The following GULP1 variants were observed in gnomAD, a reference collection of about 807,000 sequenced individuals.
GULP1 encodes PTB domain-containing engulfment adapter protein 1.
In GULP1, 19 loss-of-function variants were observed where a neutral mutation model predicts 40.9. That is an observed-to-expected ratio of 0.46 (90% CI 0.32 to 0.68). The LOEUF is 0.68. Among genes scored for constraint, GULP1 ranks in the 30% least tolerant of loss-of-function variants. The pLI is 0.03. For missense variants in GULP1, 312 were observed against 362.2 expected, an observed-to-expected ratio of 0.86 and a Z score of 1.12; for synonymous variants, 119 against 117.6, an observed-to-expected ratio of 1.01 and a Z score of -0.08.
intron 7 of GULP1, among the ~76,000 whole-genome samples, chr2:188,552,619 T>C (rs1693750114): frequency 6.6e-6 from 1 of 151,830 alleles, no homozygotes; most frequent in Non-Finnish European, 1.5e-5. Context: ...TTGCTCAGAA[T>C]TGCTTTAAGT....
At chr2:188,591,326 C>G (rs1177350297) in intron 11 of GULP1, 2 of 151,974 alleles carry the variant, frequency 1.3e-5, no homozygotes, top group Non-Finnish European at 2.9e-5. Context: ...TGTTGGCAGT[C>G]CAGAGTTAGT....
At chr2:188,453,852 T>G (rs890351220) in intron 2 of GULP1, among the ~76,000 whole-genome samples, 3 of 152,208 alleles carry the variant, frequency 2.0e-5, no homozygotes, top group Non-Finnish European at 4.4e-5. Context: ...GGAAAAGATA[T>G]TCTAGGTTAC....
At chr2:188,424,795 A>T (rs1315772751) in intron 2 of GULP1, among the ~76,000 whole-genome samples, 1 of 151,874 alleles carries the variant, frequency 6.6e-6, no homozygotes, top group Non-Finnish European at 1.5e-5. Context: ...TTCCCATGTA[A>T]CAAATAAATG....
intron 4 of GULP1, among the ~76,000 whole-genome samples, chr2:188,496,242 C>G (rs1426029256): frequency 6.6e-6 from 1 of 151,974 alleles, no homozygotes; most frequent in African/African-American, 2.4e-5. Context: ...TGATCCCTAG[C>G]TATAATCCTA....
intron 1 of GULP1, among the ~76,000 whole-genome samples, chr2:188,302,598 AAAATAC>A (rs1469711835): frequency 6.6e-6 from 1 of 152,160 alleles, no homozygotes. Flanking sequence ...GAGGTATAAA[AAAATAC>A]AGACATACAG....
At chr2:188,473,898 C>T (rs1376924909) in intron 2 of GULP1, among the ~76,000 whole-genome samples, 1 of 152,138 alleles carries the variant, frequency 6.6e-6, no homozygotes, top group African/African-American at 2.4e-5. Flanking sequence ...CACTTGAAGC[C>T]AGCAAGCCTC....
intron 2 of GULP1, among the ~76,000 whole-genome samples, chr2:188,455,947 A>G (rs548778985): frequency 5.4e-4 from 82 of 152,338 alleles, no homozygotes; most frequent in African/African-American, 1.9e-3. Context: ...GACTCTTATT[A>G]TGTTTTAGCA....
rs200420580 is a variant in GULP1 at position 188,413,198 on chromosome 2, C to T, written c.-45+29309C>T. On this transcript the variant is annotated intron_variant, in intron 2 of 11. Transcript: ENST00000409830. ...AAGAGTGCAGTCTAAGATGTGGCTT[C>T]TTCACATCACTCGTTGGGATCACTG... 2.0e-4 allele frequency among the ~76,000 whole-genome samples: 31 copies of T among 152,292 alleles called. No homozygotes were observed. The East Asian group carries it at 6.0e-3, about 29-fold the overall frequency.
intron 1 of GULP1, among the ~76,000 whole-genome samples, chr2:188,322,153 G>A (rs956652825): frequency 6.6e-6 from 1 of 152,116 alleles, no homozygotes; most frequent in Non-Finnish European, 1.5e-5. Flanking sequence ...TTAATTTGCA[G>A]GGGTTTCAGG....
intron 1 of GULP1, among the ~76,000 whole-genome samples, chr2:188,354,550 C>T (rs535638196): frequency 6.6e-6 from 1 of 152,242 alleles, no homozygotes. Flanking sequence ...AGGACCTGAG[C>T]CTAGGACCTC....
At chr2:188,476,102 A>G (rs2060988264) in intron 2 of GULP1, among the ~76,000 whole-genome samples, 1 of 152,168 alleles carries the variant, frequency 6.6e-6, no homozygotes, top group Non-Finnish European at 1.5e-5. Context: ...CAGATGACAC[A>G]GTGAAATGTT....
At chr2:188,534,554 G>A (rs1408362088) in intron 6 of GULP1, among the ~76,000 whole-genome samples, 1 of 152,054 alleles carries the variant, frequency 6.6e-6, no homozygotes, top group Non-Finnish European at 1.5e-5. Context: ...GTACCTCAGT[G>A]ATGGGACTAT....
chr2:188,548,827 G>GGTTTTGTTTT (rs146982832), intron 7 of GULP1, among the ~76,000 whole-genome samples: 15,064 of 149,446 alleles, frequency 0.1, 841 homozygotes, highest in African/African-American at 0.11. Context: ...GGGGAAAGAA[G>GGTTTTGTTTT]GTTTTGTTTT....
At chr2:188,425,905 T>C (rs896447983) in intron 2 of GULP1, among the ~76,000 whole-genome samples, 12 of 152,216 alleles carry the variant, frequency 7.9e-5, no homozygotes, top group African/African-American at 2.7e-4. Flanking sequence ...TTTTATTTTC[T>C]ATTGTCAGAA....
At chr2:188,490,315 G>T (rs1482358795) in intron 4 of GULP1, among the ~76,000 whole-genome samples, 1 of 152,082 alleles carries the variant, frequency 6.6e-6, no homozygotes, top group Non-Finnish European at 1.5e-5. Context: ...ACATCCGTTT[G>T]TCTATTTATT....
chr2:188,500,173 A>G (rs2063303448), intron 4 of GULP1, among the ~76,000 whole-genome samples: 1 of 151,862 alleles, frequency 6.6e-6, no homozygotes, highest in South Asian at 2.1e-4. Context: ...TGTGCTTGTT[A>G]AAAATACAGA....
rs563276829 is a variant in GULP1, at chr2:188,541,152, A to C, written c.262-29A>C. ...AGAAAATGAAAAAAGAATCCCATCA[A>C]CTATGTTTATTTCCATCTGTGTTCA... On this transcript the variant is annotated intron_variant, in intron 6 of 11. Coordinates refer to ENST00000409830, the MANE Select transcript of GULP1 (RefSeq NM_016315.4). 22 of 1,595,096 alleles carry C rather than the reference A, an allele frequency of 1.4e-5. No individual in the cohort carries two copies. The South Asian group carries it at 1.6e-4, about 11-fold the overall frequency.
chr2:188,353,278 C>G (rs1461432379), intron 1 of GULP1, among the ~76,000 whole-genome samples: 1 of 152,186 alleles, frequency 6.6e-6, no homozygotes, highest in Non-Finnish European at 1.5e-5. Context: ...AGGCACTGTT[C>G]TAAATTCTTT....
intron 6 of GULP1, among the ~76,000 whole-genome samples, chr2:188,537,502 G>T (rs1057125281): frequency 6.6e-6 from 1 of 152,020 alleles, no homozygotes; most frequent in Non-Finnish European, 1.5e-5. Flanking sequence ...ATTCGCATAC[G>T]TTGAACAAAC....
Sources: gnomAD v4.1 joint callset for allele counts (sites outside exome capture counted in the v4.1 genomes callset) on GRCh38, gnomAD v4.1.1 for gene constraint, MANE v1.5 for transcripts, NCBI Gene and HGNC (gene_info 2026-07-23, HGNC 2026-07-21) for gene names.